Variants in EVL observed in about 807,000 individuals in gnomAD.
The protein encoded by EVL is Enah/Vasp-like.
EVL carries 21 observed loss-of-function variants against 59.6 expected under a neutral mutation model. The observed-to-expected ratio is 0.35, with a 90% CI of 0.25 to 0.51. The LOEUF (loss-of-function observed/expected upper bound fraction) is 0.51. Among genes scored for constraint, EVL ranks in the 20% least tolerant of loss-of-function variants. EVL has a pLI of 0.97. For synonymous variants in EVL, 198 were observed against 203.5 expected (o/e 0.97, Z 0.23); for missense variants, 462 against 546.6 (o/e 0.85, Z 1.54).
chr14:100,108,201 C>T lies in EVL; in HGVS notation c.358+10543C>T, dbSNP rs1156230726. 6.6e-6 allele frequency: 1 copy of T among 152,214 alleles called. No individual in the cohort carries two copies. Among genetic ancestry groups the T allele is most frequent in the Non-Finnish European group, 1.5e-5 (1 of 68,064 alleles). The allele number at this position is 152,214 out of a possible 1,614,324, so 9.4% of individuals were successfully genotyped here. On this transcript the variant is annotated intron_variant, in intron 3 of 13. Coordinates refer to ENST00000392920, the MANE Select transcript of EVL (RefSeq NM_016337.3). This position sits in a 1 kb window ranked among gnomAD's most constrained non-coding sequence, Gnocchi z 4.1. ...CCCGGAAAGGGACTTACAGGCAGAC[C>T]TTCCCGGGAAGAGTCAGGCCCAGCT...
rs1457681438 is a variant in EVL at position 100,012,183 on chromosome 14, A to C, written c.5+40126A>C. 2.0e-5 allele frequency among the ~76,000 whole-genome samples: 3 copies of C among 152,202 alleles called. No homozygotes were observed. The East Asian group carries it at 5.8e-4, about 29-fold the overall frequency. On this transcript the variant is annotated intron_variant, in intron 1 of 13. Coordinates refer to the EVL transcript ENST00000402714. The stretch of plus-strand genomic sequence containing the variant: ...AAAATCTAGTAACACTAAAGGAATA[A>C]ATAGAAAATCCTATACCCCAGCTTC...
chr14:100,141,020 A>T, intron 11 of EVL, 160 bp from the exon 12 acceptor site: 1 of 601,182 alleles, frequency 1.7e-6, no homozygotes, highest in Non-Finnish European at 2.9e-6. Context: ...GACGGGCGTT[A>T]AATCCTTCTC....
At chr14:99,979,154 C>G (rs1467310839) in intron 1 of EVL, among the ~76,000 whole-genome samples, 6 of 151,928 alleles carry the variant, frequency 3.9e-5, no homozygotes, top group Non-Finnish European at 8.8e-5. Context: ...TCCCATCCCC[C>G]ACTCTCACCG....
upstream of EVL, among the ~76,000 whole-genome samples, chr14:100,062,724 G>A (rs1460077551): frequency 6.6e-6 from 1 of 152,024 alleles, no homozygotes; most frequent in African/African-American, 2.4e-5. Context: ...GATACAAATC[G>A]ACTGAAAGTG....
intron 1 of EVL, among the ~76,000 whole-genome samples, chr14:99,994,570 C>T (rs902917519): frequency 5.9e-5 from 9 of 152,070 alleles, no homozygotes; most frequent in Non-Finnish European, 1.3e-4. Context: ...CTGTCCACCC[C>T]GTTATGTTAT....
intron 8 of EVL, among the ~76,000 whole-genome samples, chr14:100,133,086 C>G (rs1309060459): frequency 5.9e-5 from 9 of 152,264 alleles, no homozygotes; most frequent in African/African-American, 2.2e-4. Flanking sequence ...GAGCACAGAC[C>G]AGCCAGGGTC....
chr14:99,981,903 G>C (rs1012115019), intron 1 of EVL, among the ~76,000 whole-genome samples: 3 of 152,284 alleles, frequency 2.0e-5, no homozygotes, highest in Middle Eastern at 3.4e-3. Flanking sequence ...AATGAAACGA[G>C]GTCTGTCTGG....
intron 1 of EVL, among the ~76,000 whole-genome samples, chr14:100,023,181 A>G (rs1595572740): frequency 6.7e-6 from 1 of 149,046 alleles, no homozygotes; most frequent in African/African-American, 2.5e-5. Flanking sequence ...GACACAGGTC[A>G]CTTGTCCTTT....
intron 1 of EVL, among the ~76,000 whole-genome samples, chr14:100,042,405 G>A (rs749101095): frequency 2.6e-5 from 4 of 152,198 alleles, no homozygotes; most frequent in African/African-American, 4.8e-5. Context: ...CCAGACTTAC[G>A]TGATATTCTT....
At chr14:100,025,740 C>T (rs2061199163) in intron 1 of EVL, among the ~76,000 whole-genome samples, 1 of 151,936 alleles carries the variant, frequency 6.6e-6, no homozygotes, top group Admixed American at 6.6e-5. Flanking sequence ...CCAGCCTGAC[C>T]AACATGGAGA....
intron 1 of EVL, among the ~76,000 whole-genome samples, chr14:99,999,970 G>C (rs1416954117): frequency 1.3e-5 from 2 of 152,124 alleles, no homozygotes; most frequent in Non-Finnish European, 2.9e-5. Flanking sequence ...AGTGCTTTTT[G>C]TTTGCTTGCT....
chr14:99,973,532 G>T (rs1000489185), intron 1 of EVL, among the ~76,000 whole-genome samples: 2 of 152,118 alleles, frequency 1.3e-5, no homozygotes, highest in Non-Finnish European at 2.9e-5. Context: ...GTGCGATCTC[G>T]GCTCACTGCA....
At chr14:100,100,535 C>G (rs1022378973) in intron 3 of EVL, among the ~76,000 whole-genome samples, 2 of 151,964 alleles carry the variant, frequency 1.3e-5, no homozygotes, top group Admixed American at 1.3e-4. Flanking sequence ...ACCAAAAGGC[C>G]CTCCCCGCAG....
At chr14:99,978,138 C>T (rs189945978) in intron 1 of EVL, 13 of 146,002 alleles carry the variant, frequency 8.9e-5, no homozygotes, top group Admixed American at 8.2e-4. Flanking sequence ...GTGGCTCACG[C>T]CTGTAATCCC....
chr14:100,077,431 A>G (rs1275680214), intron 1 of EVL, among the ~76,000 whole-genome samples: 1 of 152,218 alleles, frequency 6.6e-6, no homozygotes, highest in African/African-American at 2.4e-5. Flanking sequence ...TCTCTTAAGC[A>G]TGTTAAATTG....
chr14:100,020,655 T>A (rs941824370), intron 1 of EVL, among the ~76,000 whole-genome samples: 1 of 152,148 alleles, frequency 6.6e-6, no homozygotes, highest in East Asian at 1.9e-4. Flanking sequence ...CGGTAGACAT[T>A]AAAACAATAA....
chr14:100,125,047 GAC>G (rs10569974), intron 4 of EVL, among the ~76,000 whole-genome samples: 29,547 of 144,338 alleles, frequency 0.2, 5,836 homozygotes, highest in African/African-American at 0.52. Context: ...CATGTGGATA[GAC>G]ACACACACAC....
chr14:99,976,555 T>G (rs2140167021), intron 1 of EVL, among the ~76,000 whole-genome samples: 1 of 152,262 alleles, frequency 6.6e-6, no homozygotes, highest in African/African-American at 2.4e-5. Context: ...TTTTTTAATG[T>G]GTGGTAAACA....
chr14:99,986,032 C>T (rs2060837874), intron 1 of EVL, among the ~76,000 whole-genome samples: 1 of 152,140 alleles, frequency 6.6e-6, no homozygotes, highest in African/African-American at 2.4e-5. Context: ...TGGCTCATGC[C>T]TGTAATCCCA....
Sources: allele counts gnomAD v4.1 joint callset (sites outside exome capture counted in the v4.1 genomes callset), GRCh38; gene constraint gnomAD v4.1.1; non-coding constraint Gnocchi (gnomAD v3.1); transcripts MANE v1.5; gene names NCBI Gene and HGNC (gene_info 2026-07-23, HGNC 2026-07-21).